The following NAALADL2 variants were observed in gnomAD, a reference collection of about 807,000 sequenced individuals.
NAALADL2 encodes the protein N-acetylated alpha-linked acidic dipeptidase like 2, also known as inactive N-acetylated-alpha-linked acidic dipeptidase-like protein 2.
NAALADL2 carries 76 observed loss-of-function variants against 87.2 expected under a neutral mutation model. The ratio of observed to expected loss-of-function variants is 0.87; its 90% CI spans 0.72 to 1.05. NAALADL2 has a LOEUF of 1.05. Ranked by LOEUF, NAALADL2 falls within the 50% of genes least tolerant of loss-of-function variation. NAALADL2 has a pLI of 0.00. For synonymous variants in NAALADL2, 354 were observed against 331.0 expected, an observed-to-expected ratio of 1.07 and a Z score of -0.75; for missense variants, 1,089 against 945.8, an observed-to-expected ratio of 1.15 and a Z score of -1.99.
intron 2 of NAALADL2, among the ~76,000 whole-genome samples, chr3:174,684,521 A>G (rs1727852920): frequency 6.6e-6 from 1 of 152,104 alleles, no homozygotes. Context: ...TCTTTAAAAT[A>G]CTCAAACTTT....
chr3:175,016,117 G>A (rs1175210861), intron 1 of NAALADL2, among the ~76,000 whole-genome samples: 3 of 151,310 alleles, frequency 2.0e-5, no homozygotes, highest in East Asian at 3.9e-4. Flanking sequence ...TCAAGCTGAA[G>A]CAAGTTATTG....
chr3:174,568,834 T>A (rs1308847099), intron 2 of NAALADL2, among the ~76,000 whole-genome samples: 10 of 151,576 alleles, frequency 6.6e-5, no homozygotes, highest in South Asian at 2.1e-4. Flanking sequence ...ATTCTTTTTT[T>A]AAAATTATTA....
At chr3:175,142,945 T>C (rs1730216582) in intron 2 of NAALADL2, among the ~76,000 whole-genome samples, 1 of 151,996 alleles carries the variant, frequency 6.6e-6, no homozygotes. Context: ...ATCATGTAGA[T>C]ATTGAAAAGT....
intron 13 of NAALADL2, among the ~76,000 whole-genome samples, chr3:175,787,099 C>A (rs1254796943): frequency 1.3e-5 from 2 of 151,888 alleles, no homozygotes; most frequent in Non-Finnish European, 2.9e-5. Flanking sequence ...GCTGGGAGAA[C>A]CACTGCTCTC....
intron 6 of NAALADL2, among the ~76,000 whole-genome samples, chr3:175,457,416 T>C (rs1210487518): frequency 6.6e-6 from 1 of 152,130 alleles, no homozygotes; most frequent in Admixed American, 6.6e-5. Context: ...TTTGAAATCA[T>C]GTAGCATACT....
intron 11 of NAALADL2, among the ~76,000 whole-genome samples, chr3:175,650,614 A>G (rs1231179378): frequency 6.6e-6 from 1 of 152,120 alleles, no homozygotes; most frequent in Non-Finnish European, 1.5e-5. Context: ...ATTCAGTCCT[A>G]TTCTTCCCCC....
intron 2 of NAALADL2, among the ~76,000 whole-genome samples, chr3:174,595,839 C>T (rs572284721): frequency 2.1e-4 from 32 of 152,148 alleles, no homozygotes; most frequent in African/African-American, 7.5e-4. Context: ...GCAGAAACCC[C>T]GTTTCTACTA....
intron 9 of NAALADL2, among the ~76,000 whole-genome samples, chr3:175,504,081 T>C (rs62287080): frequency 0.077 from 11,765 of 152,286 alleles, 543 homozygotes; most frequent in South Asian, 0.12. Flanking sequence ...TTTAAGTCTT[T>C]AATGCATTTT....
At chr3:174,518,086 G>A (rs1041812721) in intron 1 of NAALADL2, among the ~76,000 whole-genome samples, 2 of 152,042 alleles carry the variant, frequency 1.3e-5, no homozygotes, top group Non-Finnish European at 2.9e-5. Flanking sequence ...TATTTAAGAT[G>A]AGTAATCACT....
chr3:175,750,827 T>A (rs1746533088), intron 12 of NAALADL2, among the ~76,000 whole-genome samples: 1 of 152,188 alleles, frequency 6.6e-6, no homozygotes, highest in Non-Finnish European at 1.5e-5. Flanking sequence ...TGTACATTTC[T>A]AACTAGATCA....
chr3:175,412,491 TTG>T (rs1458554679), intron 5 of NAALADL2, among the ~76,000 whole-genome samples: 10 of 152,200 alleles, frequency 6.6e-5, no homozygotes. Context: ...AGTGGTACTC[TTG>T]CCTGTTATTA....
At chr3:175,160,236 G>T (rs908930998) in intron 2 of NAALADL2, among the ~76,000 whole-genome samples, 24 of 151,446 alleles carry the variant, frequency 1.6e-4, no homozygotes, top group African/African-American at 5.8e-4. Flanking sequence ...CCCAATATTA[G>T]CTACCAATTT....
intron 10 of NAALADL2, among the ~76,000 whole-genome samples, chr3:175,598,716 G>A (rs1232864727): frequency 3.3e-5 from 5 of 152,032 alleles, no homozygotes; most frequent in African/African-American, 9.7e-5. Flanking sequence ...TATATATGAT[G>A]TTCTCACACT....
chr3:175,769,007 C>A (rs887311296), intron 13 of NAALADL2, among the ~76,000 whole-genome samples: 1 of 152,088 alleles, frequency 6.6e-6, no homozygotes, highest in African/African-American at 2.4e-5. Context: ...TTAATATTTG[C>A]TATTACTCCT....
intron 2 of NAALADL2, among the ~76,000 whole-genome samples, chr3:174,620,503 C>T (rs1192357371): frequency 2.0e-5 from 3 of 151,752 alleles, no homozygotes; most frequent in Non-Finnish European, 4.4e-5. Context: ...ATTGTTTAGA[C>T]CTACTCATTT....
At chr3:174,739,499 T>G (rs2109005565) in intron 3 of NAALADL2, among the ~76,000 whole-genome samples, 1 of 152,216 alleles carries the variant, frequency 6.6e-6, no homozygotes, top group Non-Finnish European at 1.5e-5. Context: ...CCTTTATTAC[T>G]TATAGAGCTT....
intron 4 of NAALADL2, among the ~76,000 whole-genome samples, chr3:175,273,761 T>C (rs1447438377): frequency 6.6e-6 from 1 of 152,046 alleles, no homozygotes; most frequent in Non-Finnish European, 1.5e-5. Context: ...AAATTATATT[T>C]TAACCACATT....
chr3:175,338,643 AC>A (rs1285010027), intron 5 of NAALADL2, among the ~76,000 whole-genome samples: 3 of 146,594 alleles, frequency 2.0e-5, no homozygotes, highest in African/African-American at 7.8e-5. Flanking sequence ...ACACACACAC[AC>A]ACACACACAC....
intron 10 of NAALADL2, among the ~76,000 whole-genome samples, chr3:175,619,946 C>A (rs1238780403): frequency 6.6e-6 from 1 of 151,938 alleles, no homozygotes; most frequent in Admixed American, 6.6e-5. Context: ...ACATGCCCAA[C>A]CCCCCGAGGG....
Sources: allele counts gnomAD v4.1 joint callset (sites outside exome capture counted in the v4.1 genomes callset), GRCh38; gene constraint gnomAD v4.1.1; transcripts MANE v1.5; gene names NCBI Gene and HGNC (gene_info 2026-07-23, HGNC 2026-07-21).